The following LRRC4C variants were observed in gnomAD, a reference collection of about 807,000 sequenced individuals.
LRRC4C encodes leucine-rich repeat-containing protein 4C.
In LRRC4C, 5 loss-of-function variants were observed where a neutral mutation model predicts 33.6. The ratio of observed to expected loss-of-function variants is 0.15; its 90% CI spans 0.08 to 0.31. LRRC4C has a LOEUF of 0.31. LRRC4C is among the 10% of genes least tolerant of loss of function. The pLI is 1.00. For synonymous variants in LRRC4C, 329 were observed against 302.0 expected (o/e 1.09, Z -0.93); for missense variants, 560 against 796.7 (o/e 0.70, Z 3.58).
chr11:40,271,104 A>C (rs1490158974), intron 4 of LRRC4C, among the ~76,000 whole-genome samples: 2 of 152,160 alleles, frequency 1.3e-5, no homozygotes, highest in Non-Finnish European at 2.9e-5. Context: ...ACTTCATCCC[A>C]AAATAATTTG....
chr11:40,274,937 G>A (rs1161529469), intron 4 of LRRC4C, among the ~76,000 whole-genome samples: 1 of 152,044 alleles, frequency 6.6e-6, no homozygotes, highest in Non-Finnish European at 1.5e-5. Flanking sequence ...ACCTGCTCAG[G>A]GGCTCTAATG....
chr11:40,374,138 G>A (rs1039100170), intron 3 of LRRC4C, among the ~76,000 whole-genome samples: 4 of 152,074 alleles, frequency 2.6e-5, no homozygotes. Context: ...TAATTACTGG[G>A]GGAAACGAAA....
intron 3 of LRRC4C, among the ~76,000 whole-genome samples, chr11:40,465,015 T>C (rs1035632005): frequency 6.6e-6 from 1 of 152,028 alleles, no homozygotes; most frequent in African/African-American, 2.4e-5. Context: ...AAAGAAATGC[T>C]AAGCAGAAAG....
intron 1 of LRRC4C, among the ~76,000 whole-genome samples, chr11:41,438,984 G>C (rs1488652001): frequency 6.6e-6 from 1 of 152,144 alleles, no homozygotes; most frequent in Non-Finnish European, 1.5e-5. Flanking sequence ...GTGTAGTGGT[G>C]AAGTCTGTAA....
intron 4 of LRRC4C, among the ~76,000 whole-genome samples, chr11:40,272,469 G>A (rs774943471): frequency 6.6e-6 from 1 of 152,160 alleles, no homozygotes; most frequent in Non-Finnish European, 1.5e-5. Context: ...TTTATTCTAA[G>A]AATCATCTAT....
chr11:41,450,815 C>T (rs942723098), intron 1 of LRRC4C, among the ~76,000 whole-genome samples: 2 of 152,080 alleles, frequency 1.3e-5, no homozygotes, highest in East Asian at 3.9e-4. Flanking sequence ...CTGATATATG[C>T]AAAGTTATAA....
At chr11:40,954,683 T>G (rs1056451234) in intron 1 of LRRC4C, among the ~76,000 whole-genome samples, 2 of 151,868 alleles carry the variant, frequency 1.3e-5, no homozygotes, top group Non-Finnish European at 2.9e-5. Flanking sequence ...GGTCATGTTA[T>G]TGTGTGATTA....
chr11:40,580,104 G>A (rs1044493088), intron 3 of LRRC4C, among the ~76,000 whole-genome samples: 6 of 144,908 alleles, frequency 4.1e-5, no homozygotes, highest in Admixed American at 3.6e-4. Context: ...AAGATGAAAG[G>A]GAGTGAGAAA....
chr11:41,191,294 C>G (rs939338426), intron 1 of LRRC4C, among the ~76,000 whole-genome samples: 28 of 152,164 alleles, frequency 1.8e-4, no homozygotes, highest in African/African-American at 6.5e-4. Context: ...GTGTCAGGAG[C>G]CTGCTGTGGA....
chr11:40,784,773 G>A (rs1221301186), intron 2 of LRRC4C, among the ~76,000 whole-genome samples: 1 of 152,146 alleles, frequency 6.6e-6, no homozygotes, highest in Non-Finnish European at 1.5e-5. Context: ...GTCAAAAATT[G>A]CGCTGATCTT....
chr11:41,132,306 T>C (rs775314390), intron 1 of LRRC4C, among the ~76,000 whole-genome samples: 2 of 152,140 alleles, frequency 1.3e-5, no homozygotes, highest in Non-Finnish European at 2.9e-5. Flanking sequence ...TATTAACAAA[T>C]GTGGGTAGTT....
chr11:41,223,211 T>C (rs1947384689), intron 1 of LRRC4C, among the ~76,000 whole-genome samples: 3 of 152,158 alleles, frequency 2.0e-5, no homozygotes, highest in Admixed American at 2.0e-4. Flanking sequence ...AGAGAGTCAT[T>C]GTTCTATAGG....
chr11:41,067,323 G>A lies in LRRC4C; in HGVS notation c.-495-133600C>T, dbSNP rs114981138. Among the ~76,000 whole-genome samples, 977 of 152,158 alleles carry A rather than the reference G, an allele frequency of 6.4e-3. 14 individuals are homozygous for A. The highest frequency in any genetic ancestry group is 0.022 in the African/African-American group (911 of 41,512). Reference sequence around the variant, plus strand: ...ACAAACATCAAAAAGACAAAGAAGGGTATAATGTAATGGTAAAGGAATCAA... The same window carrying A: ...ACAAACATCAAAAAGACAAAGAAGGATATAATGTAATGGTAAAGGAATCAA... On this transcript the variant is annotated intron_variant, in intron 1 of 6. Transcript: ENST00000528697.
intron 2 of LRRC4C, among the ~76,000 whole-genome samples, chr11:40,658,897 C>T (rs964767356): frequency 3.3e-5 from 5 of 152,150 alleles, no homozygotes; most frequent in African/African-American, 4.8e-5. Flanking sequence ...GTGGGGATGC[C>T]GGCTGCAGCA....
At chr11:40,887,047 A>G (rs1265247445) in intron 2 of LRRC4C, among the ~76,000 whole-genome samples, 1 of 151,250 alleles carries the variant, frequency 6.6e-6, no homozygotes, top group African/African-American at 2.4e-5. Flanking sequence ...TACATATAGA[A>G]AGTAGCCAGG....
chr11:41,365,349 C>T (rs776549291), intron 1 of LRRC4C, among the ~76,000 whole-genome samples: 2 of 151,750 alleles, frequency 1.3e-5, no homozygotes, highest in Non-Finnish European at 2.9e-5. Flanking sequence ...TCAGGGCTCC[C>T]ACTAATTCTA....
intron 2 of LRRC4C, among the ~76,000 whole-genome samples, chr11:40,763,200 G>T (rs1320160546): frequency 6.6e-6 from 1 of 151,634 alleles, no homozygotes; most frequent in South Asian, 2.1e-4. Flanking sequence ...CATTTGTGTT[G>T]GGTTTCTTCC....
chr11:40,126,896 G>T (rs1218984552), intron 6 of LRRC4C, among the ~76,000 whole-genome samples: 1 of 151,554 alleles, frequency 6.6e-6, no homozygotes, highest in African/African-American at 2.4e-5. Context: ...GGAGGTGGAG[G>T]TTGCAGTGAG....
chr11:40,292,300 G>T (rs1318844609), intron 4 of LRRC4C: 2 of 152,046 alleles, frequency 1.3e-5, no homozygotes, highest in Non-Finnish European at 2.9e-5. Flanking sequence ...AAAAAAAAAG[G>T]AGGTTGATGA....
Sources: allele counts gnomAD v4.1 joint callset (sites outside exome capture counted in the v4.1 genomes callset), GRCh38; gene constraint gnomAD v4.1.1; transcripts MANE v1.5; gene names NCBI Gene and HGNC (gene_info 2026-07-23, HGNC 2026-07-21).